Variants in CCDC141 observed in about 807,000 individuals in gnomAD.
The protein encoded by CCDC141 is coiled-coil domain-containing protein 141.
In CCDC141, 168 loss-of-function variants were observed where a neutral mutation model predicts 181.0. The ratio of observed to expected loss-of-function variants is 0.93; its 90% CI spans 0.82 to 1.05. The LOEUF is 1.05. Among genes scored for constraint, CCDC141 ranks in the 50% least tolerant of loss-of-function variants. The probability of loss-of-function intolerance (pLI) is 0.00; values close to 1 mark genes in which losing one functional copy is unlikely to be tolerated. For missense variants in CCDC141, 1,902 were observed against 1,788.5 expected, an observed-to-expected ratio of 1.06 and a Z score of -1.14; for synonymous variants, 666 against 642.3, an observed-to-expected ratio of 1.04 and a Z score of -0.56.
intron 4 of CCDC141, 70 bp downstream of exon 4, chr2:178,974,987 A>G (rs977771211): frequency 1.9e-5 from 13 of 702,348 alleles, no homozygotes; most frequent in Admixed American, 8.5e-5. Context: ...ACTATCATAC[A>G]TAAGCATTCT....
At chr2:178,887,511 A>C (rs912294192) in intron 9 of CCDC141, among the ~76,000 whole-genome samples, 1 of 152,138 alleles carries the variant, frequency 6.6e-6, no homozygotes, top group South Asian at 2.1e-4. Flanking sequence ...CCCAGACTCA[A>C]ATTGGCTCCA....
chr2:178,983,374 A>G (rs1691540367), intron 2 of CCDC141, among the ~76,000 whole-genome samples: 1 of 152,222 alleles, frequency 6.6e-6, no homozygotes, highest in Non-Finnish European at 1.5e-5. Context: ...AAAAAACAGA[A>G]CAGAAAAACT....
intron 2 of CCDC141, among the ~76,000 whole-genome samples, chr2:178,983,464 A>C (rs1272158363): frequency 2.0e-5 from 3 of 152,164 alleles, no homozygotes; most frequent in Non-Finnish European, 4.4e-5. Context: ...AGCTGGATGG[A>C]GAATGACTTT....
At chr2:178,904,265 T>C (rs1384893362) in intron 8 of CCDC141, among the ~76,000 whole-genome samples, 3 of 152,204 alleles carry the variant, frequency 2.0e-5, no homozygotes, top group Non-Finnish European at 4.4e-5. Flanking sequence ...CTTTTTGGCT[T>C]TTATTGGAAG....
intron 14 of CCDC141, 116 bp from the exon 15 acceptor site, chr2:178,869,421 T>C (rs2154368962): frequency 8.5e-6 from 6 of 706,324 alleles, no homozygotes; most frequent in Non-Finnish European, 8.7e-6. Flanking sequence ...CAAATACTTA[T>C]TATGAATGCC....
downstream of CCDC141, among the ~76,000 whole-genome samples, chr2:178,828,023 C>T (rs985446955): frequency 2.0e-5 from 3 of 152,234 alleles, no homozygotes; most frequent in South Asian, 2.1e-4. Flanking sequence ...TCTGTTGTCA[C>T]GTGTCATGTA....
chr2:178,974,974 T>C, intron 4 of CCDC141, 83 bp downstream of exon 4: 3 of 600,526 alleles, frequency 5.0e-6, no homozygotes, highest in Non-Finnish European at 8.3e-6. Context: ...CAATTTAAAA[T>C]ACACTATCAT....
At chr2:178,876,291 G>T (rs993018281) in intron 12 of CCDC141, 2 of 152,156 alleles carry the variant, frequency 1.3e-5, no homozygotes, top group African/African-American at 2.4e-5. Context: ...AACTAGAAGA[G>T]CCATAAAATT....
chr2:178,903,084 A>G (rs1558968050), intron 8 of CCDC141, among the ~76,000 whole-genome samples: 1 of 150,252 alleles, frequency 6.7e-6, no homozygotes, highest in Non-Finnish European at 1.5e-5. Context: ...TCAGAATGGC[A>G]ATCATTAAAA....
At chr2:178,883,913 G>T (rs75124712) in intron 11 of CCDC141, among the ~76,000 whole-genome samples, 3 of 151,872 alleles carry the variant, frequency 2.0e-5, no homozygotes, top group Non-Finnish European at 4.4e-5. Context: ...AGCTCTGAGG[G>T]GTAACATATG....
chr2:178,978,644 T>G lies in CCDC141; in HGVS notation c.257A>C (p.Gln86Pro), dbSNP rs1691229767. The G allele has an allele frequency of 6.5e-7, 1 of 1,545,788 alleles. No homozygotes were observed. Among genetic ancestry groups the G allele is most frequent in the Admixed American group, 2.0e-5 (1 of 50,220 alleles). Residue 86 changes from glutamine to proline, a missense_variant, in exon 3 of 24, where the codon CAG (glutamine) becomes CCG (proline). Gln to Pro is a moderately conservative substitution (Grantham distance 76). Transcript: ENST00000443758. ...ALEDRVWELL[Q>P]EADKTAEENK... ...CTCTTCAGCTGTCTTGTCTGCTTCC[T>G]GCAAGAGTTCCCATACCCGATCTTC...
At chr2:178,873,270 T>C (rs1029572756) in intron 12 of CCDC141, 1 of 143,560 alleles carries the variant, frequency 7.0e-6, no homozygotes, top group South Asian at 2.3e-4. Context: ...TTTTATGTTA[T>C]TTTACACATT....
intron 2 of CCDC141, among the ~76,000 whole-genome samples, chr2:178,986,574 T>C (rs1691753652): frequency 6.6e-6 from 1 of 151,902 alleles, no homozygotes; most frequent in Non-Finnish European, 1.5e-5. Flanking sequence ...AACCCCATTG[T>C]CTCAGCCCAA....
intron 17 of CCDC141, among the ~76,000 whole-genome samples, chr2:178,861,168 CTTTT>C (rs869078606): frequency 6.9e-6 from 1 of 144,684 alleles, no homozygotes; most frequent in African/African-American, 2.5e-5. Context: ...GATGTTTGTG[CTTTT>C]TTTTTTTTCT....
At chr2:179,005,191 G>A (rs1219339960) in intron 2 of CCDC141, among the ~76,000 whole-genome samples, 6 of 152,066 alleles carry the variant, frequency 3.9e-5, no homozygotes, top group Non-Finnish European at 8.8e-5. Context: ...ATGATTAATT[G>A]ACAGTGATTT....
chr2:178,827,347 T>G (rs1343108338), downstream of CCDC141, among the ~76,000 whole-genome samples: 2 of 152,228 alleles, frequency 1.3e-5, no homozygotes, highest in Non-Finnish European at 1.5e-5. Context: ...ATATTCTATG[T>G]GTCAATTAGA....
At chr2:178,840,470 C>T (rs909450728) in intron 22 of CCDC141, among the ~76,000 whole-genome samples, 1 of 152,188 alleles carries the variant, frequency 6.6e-6, no homozygotes, top group Non-Finnish European at 1.5e-5. Flanking sequence ...ACTCCTCAAT[C>T]CCTGCTGGGG....
chr2:178,929,665 C>T (rs181526994), intron 6 of CCDC141, among the ~76,000 whole-genome samples: 2 of 152,060 alleles, frequency 1.3e-5, no homozygotes, highest in East Asian at 3.9e-4. Flanking sequence ...CAAACATGTC[C>T]ACACCTTAAG....
rs1344560048 is a variant in CCDC141 at position 178,953,728 on chromosome 2, AGT to A, written c.780+7500_780+7501del. Among the ~76,000 whole-genome samples, 16 of 152,352 alleles carry A rather than the reference AGT, an allele frequency of 1.1e-4. No homozygotes were observed. The East Asian group carries it at 3.1e-3, about 29-fold the overall frequency. ...AAGCAATAGATAAGAAGCTCAGGTA[AGT>A]CAAGGAACTTCCAGAGAAGGACTTT... On this transcript the variant is annotated intron_variant, in intron 5 of 23. Transcript: ENST00000443758.
Sources: allele counts gnomAD v4.1 joint callset (sites outside exome capture counted in the v4.1 genomes callset), GRCh38; gene constraint gnomAD v4.1.1; transcripts MANE v1.5; gene names NCBI Gene and HGNC (gene_info 2026-07-23, HGNC 2026-07-21).